EYS: variants seen among roughly 807,000 people sequenced by gnomAD.
The protein encoded by EYS is protein eyes shut homolog.
A neutral mutation model predicts 282.1 loss-of-function variants in EYS; 250 were observed. The ratio of observed to expected loss-of-function variants is 0.89; its 90% CI spans 0.80 to 0.98. The LOEUF (loss-of-function observed/expected upper bound fraction) is 0.98, where lower values mean the gene tolerates loss of function less well. EYS is among the 50% of genes least tolerant of loss of function. The pLI, the probability that EYS is intolerant of heterozygous loss-of-function variation, is 0.00. For missense variants in EYS, 4,016 were observed against 3,709.0 expected (o/e 1.08, Z -2.15); for synonymous variants, 1,355 against 1,282.9 (o/e 1.06, Z -1.20).
At chr6:65,297,933 T>C (rs1431026466) in intron 11 of EYS, among the ~76,000 whole-genome samples, 1 of 152,040 alleles carries the variant, frequency 6.6e-6, no homozygotes, top group East Asian at 1.9e-4. Context: ...AGTGTTCTGA[T>C]TGGGGTGGTA....
intron 35 of EYS, among the ~76,000 whole-genome samples, chr6:63,976,535 C>G (rs1177118612): frequency 6.6e-6 from 1 of 152,004 alleles, no homozygotes; most frequent in Non-Finnish European, 1.5e-5. Flanking sequence ...CACAAAATTA[C>G]ATTTTATTGC....
chr6:64,024,936 T>C (rs1769411191), intron 33 of EYS, among the ~76,000 whole-genome samples: 1 of 152,174 alleles, frequency 6.6e-6, no homozygotes, highest in Non-Finnish European at 1.5e-5. Context: ...CCACCAATTC[T>C]GGACACATTT....
At chr6:63,916,360 C>T (rs1486047221) in intron 35 of EYS, among the ~76,000 whole-genome samples, 1 of 152,238 alleles carries the variant, frequency 6.6e-6, no homozygotes, top group Non-Finnish European at 1.5e-5. Flanking sequence ...TCAATTTTCT[C>T]ATATCCTTGC....
At chr6:64,955,858 C>T (rs1466817370) in intron 14 of EYS, among the ~76,000 whole-genome samples, 3 of 152,172 alleles carry the variant, frequency 2.0e-5, no homozygotes, top group Admixed American at 6.5e-5. Context: ...TCTGGCAACT[C>T]GCTTTGGGTC....
chr6:65,387,095 A>G (rs1765829391), intron 7 of EYS, among the ~76,000 whole-genome samples: 1 of 152,004 alleles, frequency 6.6e-6, no homozygotes, highest in Non-Finnish European at 1.5e-5. Flanking sequence ...ATGATTTCTT[A>G]CCACTGATTT....
At chr6:65,543,403 A>G (rs1015350338) in intron 2 of EYS, among the ~76,000 whole-genome samples, 2 of 148,052 alleles carry the variant, frequency 1.4e-5, no homozygotes, top group Non-Finnish European at 3.0e-5. Flanking sequence ...ATGTAAATAT[A>G]TAATATATAA....
intron 36 of EYS, among the ~76,000 whole-genome samples, chr6:63,810,091 AAAG>A (rs1771006138): frequency 6.6e-6 from 1 of 151,088 alleles, no homozygotes; most frequent in Non-Finnish European, 1.5e-5. Context: ...AAAAAAAAAA[AAAG>A]AAAAAAGAAA....
At chr6:64,167,967 A>G (rs1764346450) in intron 31 of EYS, among the ~76,000 whole-genome samples, 1 of 152,220 alleles carries the variant, frequency 6.6e-6, no homozygotes, top group Non-Finnish European at 1.5e-5. Context: ...CTATAATTCA[A>G]AAACCAGACA....
chr6:64,536,643 C>T (rs535742834), intron 26 of EYS, among the ~76,000 whole-genome samples: 15 of 152,088 alleles, frequency 9.9e-5, no homozygotes, highest in African/African-American at 3.6e-4. Context: ...CTACATCCTA[C>T]TTGCTTGAAA....
intron 11 of EYS, among the ~76,000 whole-genome samples, chr6:65,312,949 C>T (rs1312229249): frequency 6.6e-6 from 1 of 152,102 alleles, no homozygotes; most frequent in Non-Finnish European, 1.5e-5. Flanking sequence ...GTCACTTCCC[C>T]TAATTTAACA....
At chr6:64,906,342 G>A (rs959484570) in intron 16 of EYS, among the ~76,000 whole-genome samples, 3 of 151,844 alleles carry the variant, frequency 2.0e-5, no homozygotes, top group African/African-American at 7.3e-5. Flanking sequence ...GTTTAATTAT[G>A]TATGTATTTT....
intron 26 of EYS, among the ~76,000 whole-genome samples, chr6:64,488,777 T>C (rs1776648467): frequency 6.6e-6 from 1 of 151,022 alleles, no homozygotes; most frequent in South Asian, 2.1e-4. Flanking sequence ...TTTGTCATCG[T>C]ATCCATGGAA....
At chr6:64,495,406 A>G (rs1374291304) in intron 26 of EYS, among the ~76,000 whole-genome samples, 1 of 151,856 alleles carries the variant, frequency 6.6e-6, no homozygotes, top group African/African-American at 2.4e-5. Context: ...CCTGTCCTTC[A>G]ATAGCCAGGA....
intron 11 of EYS, among the ~76,000 whole-genome samples, chr6:65,334,040 A>G (rs184089294): frequency 1.3e-5 from 2 of 151,820 alleles, no homozygotes; most frequent in Admixed American, 1.3e-4. Context: ...TATATAGTTG[A>G]CTAAATCAGA....
intron 32 of EYS, among the ~76,000 whole-genome samples, chr6:64,076,015 G>A (rs1025042282): frequency 6.6e-6 from 1 of 151,886 alleles, no homozygotes; most frequent in Non-Finnish European, 1.5e-5. Context: ...GCTGCTTTCA[G>A]GCTACTATGG....
chr6:64,854,344 C>A lies in EYS; in HGVS notation c.2993-31522G>T, dbSNP rs557716287. On this transcript the variant is annotated intron_variant, in intron 19 of 42. Transcript: ENST00000503581. ...TATTCACAATAGAAAAGACTTGGAACCAACCCAAATGTCCAACAACGATAG... is the reference window on the plus strand; with the variant it reads ...TATTCACAATAGAAAAGACTTGGAAACAACCCAAATGTCCAACAACGATAG... Among the ~76,000 whole-genome samples the A allele has an allele frequency of 5.1e-4, 78 of 152,084 alleles. 1 individual carries two copies. Among genetic ancestry groups the A allele is most frequent in the African/African-American group, 1.8e-3 (74 of 41,468 alleles).
chr6:64,802,242 C>T (rs999177307), intron 22 of EYS, among the ~76,000 whole-genome samples: 1 of 151,540 alleles, frequency 6.6e-6, no homozygotes, highest in African/African-American at 2.4e-5. Flanking sequence ...ACCTCTGTGG[C>T]TAACACCTCT....
chr6:64,468,646 CCCT>C (rs1776004794), intron 26 of EYS, among the ~76,000 whole-genome samples: 1 of 152,128 alleles, frequency 6.6e-6, no homozygotes, highest in Non-Finnish European at 1.5e-5. Flanking sequence ...TTGATCCTCA[CCCT>C]CCTCCCACCC....
chr6:65,347,148 T>C (rs1192074141), intron 9 of EYS, among the ~76,000 whole-genome samples: 1 of 151,798 alleles, frequency 6.6e-6, no homozygotes, highest in Non-Finnish European at 1.5e-5. Context: ...TTGCCAGCAA[T>C]GGATAGTCAT....
Sources: allele counts gnomAD v4.1 joint callset (sites outside exome capture counted in the v4.1 genomes callset), GRCh38; gene constraint gnomAD v4.1.1; transcripts MANE v1.5; gene names NCBI Gene and HGNC (gene_info 2026-07-23, HGNC 2026-07-21).